The following SMC5 variants were observed in gnomAD, a reference collection of about 807,000 sequenced individuals.
The protein encoded by SMC5 is structural maintenance of chromosomes 5.
A neutral mutation model predicts 148.3 loss-of-function variants in SMC5; 88 were observed. The observed-to-expected ratio is 0.59, with a 90% CI of 0.50 to 0.71. SMC5 has a LOEUF of 0.71. Among genes scored for constraint, SMC5 ranks in the 30% least tolerant of loss-of-function variants. The pLI is 0.00. For missense variants in SMC5, 1,142 were observed against 1,298.9 expected (o/e 0.88, Z 1.86); for synonymous variants, 421 against 432.8 (o/e 0.97, Z 0.34).
rs1187986237 is a variant in SMC5 at position 70,259,182 on chromosome 9, C to G, written c.104C>G (p.Ser35Trp). 3 of 1,609,936 alleles carry G rather than the reference C, an allele frequency of 1.9e-6. No individual in the cohort carries two copies. The East Asian group carries it at 6.7e-5, about 36-fold the overall frequency. Residue 35 changes from serine (S) to tryptophan (W), a missense_variant, in exon 1 of 25, where the codon TCG becomes TGG. Transcript: ENST00000361138. ...SSEVPSKRKN[S>W]APQLPLLQSS... Reference sequence around the variant, plus strand: ...GAGGTCCCGAGCAAGAGGAAGAATTCGGCCCCGCAGCTGCCGCTGTTGCAG... The same window carrying G: ...GAGGTCCCGAGCAAGAGGAAGAATTGGGCCCCGCAGCTGCCGCTGTTGCAG...
intron 2 of SMC5, 95 bp downstream of exon 2, chr9:70,264,540 A>C: frequency 8.3e-7 from 1 of 1,207,272 alleles, no homozygotes; most frequent in Non-Finnish European, 1.2e-6. Flanking sequence ...GGTATAGCAA[A>C]CTTAATAGTG....
intron 3 of SMC5, among the ~76,000 whole-genome samples, chr9:70,276,782 A>G (rs2034604078): frequency 6.6e-6 from 1 of 152,114 alleles, no homozygotes; most frequent in African/African-American, 2.4e-5. Context: ...CTTTATATCC[A>G]TGTGATGTAA....
rs369866412 is a variant in SMC5 at position 70,309,373 on chromosome 9, C to T, written c.1578+4013C>T. ...TTGGGGACAGGGTCTTCCTCTGTCT[C>T]GCAGACTAGAGTGGAATGGCCTCGC... On this transcript the variant is annotated intron_variant, in intron 11 of 24. Transcript: ENST00000361138. Among the ~76,000 whole-genome samples the T allele has an allele frequency of 7.7e-3, 872 of 113,618 alleles. 5 individuals are homozygous for T. The highest frequency in any genetic ancestry group is 0.027 in the African/African-American group (832 of 30,476). 74.5% of individuals were successfully genotyped at this position (113,618 alleles called of 152,430 possible). A position where few individuals can be genotyped will look rare whatever the true frequency, so the allele number is the denominator to read the frequency against.
chr9:70,339,266 A>G (rs959447616), intron 17 of SMC5, among the ~76,000 whole-genome samples: 4 of 152,044 alleles, frequency 2.6e-5, no homozygotes, highest in African/African-American at 9.7e-5. Flanking sequence ...CATCTCTACT[A>G]AAAATACAAA....
intron 12 of SMC5, 83 bp from the exon 13 acceptor site, chr9:70,315,363 T>C (rs1051270367): frequency 1.5e-4 from 131 of 850,930 alleles, no homozygotes; most frequent in Middle Eastern, 1.5e-3. Context: ...GTTTTACTTA[T>C]TGTTTATTGG....
At position 70,327,125 on chromosome 9, in the gene SMC5, A is replaced by C. The variant is rs117432609; in HGVS notation, c.2397+2982A>C. Among the ~76,000 whole-genome samples, 11 of 152,324 alleles carry C rather than the reference A, an allele frequency of 7.2e-5. No homozygotes were observed. The East Asian group carries it at 2.1e-3, about 29-fold the overall frequency. ...AAACATTTCCTAGCTTTGTCTACTA[A>C]AAAGACCTAGATTATGACTTCTAAA... On this transcript the variant is annotated intron_variant, in intron 17 of 24. Coordinates refer to ENST00000361138, the MANE Select transcript of SMC5 (RefSeq NM_015110.4).
chr9:70,280,598 A>AG (rs1491345746), intron 5 of SMC5, among the ~76,000 whole-genome samples, 161 bp from the exon 6 acceptor site: 1 of 152,204 alleles, frequency 6.6e-6, no homozygotes, highest in Non-Finnish European at 1.5e-5. Context: ...TTGTTGAGAC[A>AG]GGGTCTCACT....
rs536920502 is a variant in SMC5, at chr9:70,277,985, TTAAC to T, written c.544-502_544-499del. Among the ~76,000 whole-genome samples, 101 of 151,506 alleles carry T rather than the reference TTAAC, an allele frequency of 6.7e-4. No homozygotes were observed. In the Middle Eastern group the frequency reaches 0.014, roughly 21 times the overall value. On this transcript the variant is annotated intron_variant, in intron 4 of 24. Coordinates refer to ENST00000361138, the MANE Select transcript of SMC5 (RefSeq NM_015110.4). ...CTTTGAATGCTGTCTAGGGACAGCA[TTAAC>T]TAATATTAATTTCTTTTTTGTTCAG... is the stretch of plus-strand genomic sequence containing the variant.
At chr9:70,339,611 AT>A (rs1018847751) in intron 17 of SMC5, among the ~76,000 whole-genome samples, 3 of 151,708 alleles carry the variant, frequency 2.0e-5, no homozygotes, top group Non-Finnish European at 2.9e-5. Flanking sequence ...CCAAAGAGAA[AT>A]TTTTTTTTCC....
Position 70,267,976 on chromosome 9 carries a change from G to A in SMC5, c.380+1G>A. ...CTAGAGGCATGGTTGAAATTGAATTGTAAGTGTTAAAAGTGCTAAAACTCC... is the reference window on the plus strand; with the variant it reads ...CTAGAGGCATGGTTGAAATTGAATTATAAGTGTTAAAAGTGCTAAAACTCC... On this transcript the variant is annotated splice_donor_variant, in intron 3 of 24. Transcript: ENST00000361138. LOFTEE classifies it high-confidence loss of function. 1 of 1,611,884 alleles carries A rather than the reference G, an allele frequency of 6.2e-7. No individual in the cohort carries two copies. The highest frequency in any genetic ancestry group is 8.5e-7 in the Non-Finnish European group (1 of 1,179,058).
chr9:70,335,695 G>T (rs2036338409), intron 17 of SMC5, among the ~76,000 whole-genome samples: 2 of 152,182 alleles, frequency 1.3e-5, no homozygotes, highest in Non-Finnish European at 2.9e-5. Flanking sequence ...GAAGGTGATA[G>T]ATATGTTTAT....
At chr9:70,316,536 A>G (rs1359211341) in intron 13 of SMC5, among the ~76,000 whole-genome samples, 1 of 151,890 alleles carries the variant, frequency 6.6e-6, no homozygotes, top group African/African-American at 2.4e-5. Context: ...TGGGTATACT[A>G]CTCTTTTTTC....
chr9:70,260,127 C>G (rs985991272), intron 1 of SMC5, among the ~76,000 whole-genome samples: 1 of 150,616 alleles, frequency 6.6e-6, no homozygotes, highest in African/African-American at 2.4e-5. Flanking sequence ...GTTTTTGAGA[C>G]GGAGTGTCAT....
intron 20 of SMC5, 102 bp downstream of exon 20, chr9:70,347,263 A>T: frequency 1.2e-6 from 1 of 822,214 alleles, no homozygotes; most frequent in Non-Finnish European, 2.0e-6. Context: ...CTTGCCTCCC[A>T]CTCTGTACTA....
At chr9:70,332,477 T>TTGG (rs2036240835) in intron 17 of SMC5, among the ~76,000 whole-genome samples, 1 of 148,876 alleles carries the variant, frequency 6.7e-6, no homozygotes, top group Admixed American at 6.7e-5. Flanking sequence ...TAAGGTGTGA[T>TTGG]TGGACTACTG....
At chr9:70,333,724 C>G (rs1041975663) in intron 17 of SMC5, among the ~76,000 whole-genome samples, 3 of 152,048 alleles carry the variant, frequency 2.0e-5, no homozygotes, top group South Asian at 2.1e-4. Context: ...GAGTAAGACT[C>G]TGTCCCAAAA....
intron 17 of SMC5, among the ~76,000 whole-genome samples, chr9:70,331,268 G>A (rs763187927): frequency 1.8e-4 from 28 of 152,100 alleles, no homozygotes; most frequent in Non-Finnish European, 3.7e-4. Context: ...TTATTAGACA[G>A]TACAGTTTCT....
rs1345170928 is a variant in SMC5 at position 70,323,588 on chromosome 9, A to C, written c.2256A>C (p.Glu752Asp). The part of the protein sequence containing the change: ...INVQKAKLVT[E>D]LTNLIKICTS... Reference sequence around the variant, plus strand: ...TTCAAAAAGCGAAACTTGTTACCGAATTAACAAACCTAATAAAGGTAAGGT... The same window carrying C: ...TTCAAAAAGCGAAACTTGTTACCGACTTAACAAACCTAATAAAGGTAAGGT... The change falls in exon 16 of 25, where the codon GAA (glutamate) becomes GAC (aspartate). Residue 752 changes from glutamate (E) to aspartate (D), a missense_variant. Coordinates refer to ENST00000361138, the MANE Select transcript of SMC5 (RefSeq NM_015110.4). 6.2e-7 allele frequency: 1 copy of C among 1,612,328 alleles called. No individual in the cohort carries two copies. The highest frequency in any genetic ancestry group is 1.1e-5 in the South Asian group (1 of 90,628).
At position 70,259,159 on chromosome 9, in the gene SMC5, G is replaced by C. The variant is rs781406957; in HGVS notation, c.81G>C (p.Glu27Asp). Residue 27 changes from glutamate to aspartate, a missense_variant, in exon 1 of 25, where the codon GAG (glutamate) becomes GAC (aspartate). By Grantham distance (45) the Glu-to-Asp change is conservative. Around this residue, in one of 5 missense-constraint regions of SMC5, gnomAD observed 297 missense variants for 302.6 expected, o/e 0.98. Coordinates refer to ENST00000361138, the MANE Select transcript of SMC5 (RefSeq NM_015110.4). ...KRALPRDPSS[E>D]VPSKRKNSAP... ...CTCTCCCGAGAGACCCTTCGTCGGA[G>C]GTCCCGAGCAAGAGGAAGAATTCGG... is the stretch of plus-strand genomic sequence containing the variant. 1.9e-6 allele frequency: 3 copies of C among 1,612,344 alleles called. No individual in the cohort carries two copies. Among genetic ancestry groups the C allele is most frequent in the Non-Finnish European group, 1.7e-6 (2 of 1,179,242 alleles).
Sources: allele counts gnomAD v4.1 joint callset (sites outside exome capture counted in the v4.1 genomes callset), GRCh38; gene constraint gnomAD v4.1.1; regional missense constraint gnomAD v4.1.1; transcripts MANE v1.5; gene names NCBI Gene and HGNC (gene_info 2026-07-23, HGNC 2026-07-21).